Variants in ZDHHC7 observed in about 807,000 individuals in gnomAD.
The protein encoded by ZDHHC7 is zDHHC palmitoyltransferase 7.
In ZDHHC7, 12 loss-of-function variants were observed where a neutral mutation model predicts 34.1. That is an observed-to-expected ratio of 0.35 (90% CI 0.23 to 0.57). The LOEUF is 0.57. Ranked by LOEUF, ZDHHC7 falls within the 20% of genes least tolerant of loss-of-function variation. The pLI is 0.84. For missense variants in ZDHHC7, 388 were observed against 402.7 expected (o/e 0.96, Z 0.31); for synonymous variants, 185 against 155.4 (o/e 1.19, Z -1.42).
chr16:84,976,049 T>C lies in ZDHHC7; in HGVS notation c.*294A>G. On this transcript the variant is annotated 3_prime_UTR_variant, in exon 8 of 8. Transcript: ENST00000313732. ...AGCAGCTCAGGACCCAGGATTTGAA[T>C]AACCCATGTAATAACCCGAAGTATT... The C allele has an allele frequency of 5.3e-6, 2 of 377,646 alleles. No homozygotes were observed. The highest frequency in any genetic ancestry group is 6.4e-5 in the South Asian group (2 of 31,266). 23.4% of individuals were successfully genotyped at this position (377,646 alleles called of 1,614,324 possible). A position where few individuals can be genotyped will look rare whatever the true frequency, so the allele number is the denominator to read the frequency against.
chr16:85,018,262 T>G, the ZDHHC7 span, among the ~76,000 whole-genome samples: 1 of 152,000 alleles, frequency 6.6e-6, no homozygotes, highest in East Asian at 1.9e-4. Context: ...AAAGAGTACA[T>G]GCAATATAAT....
At chr16:85,015,741 G>A (rs1268673076), upstream of ZDHHC7, among the ~76,000 whole-genome samples, 1 of 151,968 alleles carries the variant, frequency 6.6e-6, no homozygotes, top group Non-Finnish European at 1.5e-5. Flanking sequence ...GCTCCTCAAG[G>A]GGGTTGAAGT....
At chr16:84,989,874 C>G (rs2072485507) in intron 3 of ZDHHC7, among the ~76,000 whole-genome samples, 1 of 152,178 alleles carries the variant, frequency 6.6e-6, no homozygotes, top group Non-Finnish European at 1.5e-5. Context: ...TGAAAATCTA[C>G]TGACTGCTAA....
intron 3 of ZDHHC7, among the ~76,000 whole-genome samples, chr16:84,986,843 G>A (rs576653535): frequency 6.6e-6 from 1 of 152,196 alleles, no homozygotes; most frequent in Non-Finnish European, 1.5e-5. Flanking sequence ...CAGTTCAGAG[G>A]TGATGTGATG....
intron 1 of ZDHHC7, among the ~76,000 whole-genome samples, chr16:85,009,709 CTTTTT>C (rs543110602): frequency 7.9e-6 from 1 of 126,624 alleles, no homozygotes; most frequent in Non-Finnish European, 1.7e-5. Flanking sequence ...GACTTTTTTT[CTTTTT>C]TTTTTTTTTT....
rs368189363 is a variant in ZDHHC7 at position 85,004,755 on chromosome 16, A to G, written c.-104+6531T>C. 2.0e-5 allele frequency among the ~76,000 whole-genome samples: 3 copies of G among 152,316 alleles called. No homozygotes were observed. The South Asian group carries it at 6.2e-4, about 32-fold the overall frequency. The stretch of plus-strand genomic sequence containing the variant: ...GGAGGGTGCTTGAGGGAGACAAGAA[A>G]AAGTAGAAAGGAAGTCCACAGGCAA... On this transcript the variant is annotated intron_variant, in intron 1 of 7. Coordinates refer to ENST00000313732, the MANE Select transcript of ZDHHC7 (RefSeq NM_017740.3).
intron 3 of ZDHHC7, 59 bp downstream of exon 3, chr16:84,990,245 C>A: frequency 6.4e-7 from 1 of 1,569,730 alleles, no homozygotes; most frequent in Non-Finnish European, 8.7e-7. Flanking sequence ...GGGTCAGCCA[C>A]ACCCGAGGAC....
chr16:85,000,722 T>A (rs1308927106), intron 1 of ZDHHC7, among the ~76,000 whole-genome samples: 1 of 152,140 alleles, frequency 6.6e-6, no homozygotes, highest in African/African-American at 2.4e-5. Context: ...AATTCAAACA[T>A]CAGGCTGGGG....
the ZDHHC7 span, among the ~76,000 whole-genome samples, chr16:85,024,482 T>C: frequency 6.6e-6 from 1 of 152,098 alleles, no homozygotes; most frequent in Admixed American, 6.5e-5. Context: ...CCGCCCACCT[T>C]GCCCTCCCAA....
At chr16:84,993,620 C>T (rs188355853) in intron 2 of ZDHHC7, among the ~76,000 whole-genome samples, 1 of 151,936 alleles carries the variant, frequency 6.6e-6, no homozygotes, top group African/African-American at 2.4e-5. Flanking sequence ...CCAGCCTGGG[C>T]AACAGAGTAA....
At chr16:85,002,399 G>A (rs1302006037) in intron 1 of ZDHHC7, among the ~76,000 whole-genome samples, 1 of 152,170 alleles carries the variant, frequency 6.6e-6, no homozygotes, top group African/African-American at 2.4e-5. Context: ...GAGTCCTGTG[G>A]ACAGAACACA....
At chr16:85,010,653 G>A (rs1172290607) in intron 1 of ZDHHC7, among the ~76,000 whole-genome samples, 1 of 151,600 alleles carries the variant, frequency 6.6e-6, no homozygotes, top group Non-Finnish European at 1.5e-5. Context: ...ACAATAAACT[G>A]GTTCTTCATA....
In ZDHHC7 at chr16:84,990,560, T is replaced by C. The variant is rs761753582; in HGVS notation, c.59A>G (p.Asn20Ser). Residue 20 changes from asparagine (N) to serine (S), a missense_variant, in exon 3 of 8, where the codon AAT becomes AGT. Transcript: ENST00000313732. ...DVEHHPLLAE[N>S]DNYDSSSSSS... is the part of the protein sequence containing the mutation. ...GGACGATGAAGAGTCATAGTTGTCA[T>C]TTTCAGCCAGGAGAGGATGATGCTC... 3.7e-6 allele frequency: 6 copies of C among 1,614,132 alleles called. No homozygotes were observed. The South Asian group carries it at 6.6e-5, about 18-fold the overall frequency.
intron 2 of ZDHHC7, among the ~76,000 whole-genome samples, chr16:84,991,863 T>C (rs1238660381): frequency 1.3e-5 from 2 of 151,994 alleles, no homozygotes; most frequent in African/African-American, 4.8e-5. Flanking sequence ...CTATTTCCAA[T>C]AGCATCTGAT....
intron 1 of ZDHHC7, among the ~76,000 whole-genome samples, chr16:84,998,138 C>A (rs1238783626): frequency 2.0e-5 from 3 of 151,122 alleles, no homozygotes; most frequent in Non-Finnish European, 4.4e-5. Context: ...GTGGCGGGCG[C>A]CTGCAGTCCC....
intron 3 of ZDHHC7, chr16:84,989,001 G>C (rs1447173348): frequency 2.2e-6 from 2 of 919,914 alleles, no homozygotes; most frequent in Admixed American, 2.1e-5. Context: ...CAAGGAAGGA[G>C]AGGGCGGAGA....
the ZDHHC7 span, among the ~76,000 whole-genome samples, chr16:85,021,729 GAAAA>G: frequency 6.7e-6 from 1 of 149,390 alleles, no homozygotes; most frequent in African/African-American, 2.5e-5. Flanking sequence ...AAGAAAGAAA[GAAAA>G]AGAGAGAAAG....
At chr16:84,994,663 G>A (rs1262172488) in intron 2 of ZDHHC7, among the ~76,000 whole-genome samples, 1 of 152,176 alleles carries the variant, frequency 6.6e-6, no homozygotes, top group Non-Finnish European at 1.5e-5. Context: ...CGGATGGCAG[G>A]CACAGCTGTG....
the ZDHHC7 span, among the ~76,000 whole-genome samples, chr16:85,023,856 G>C: frequency 6.6e-6 from 1 of 151,026 alleles, no homozygotes; most frequent in Non-Finnish European, 1.5e-5. Context: ...CTGAGCTCAG[G>C]TGATCTGCCT....
Sources: allele counts gnomAD v4.1 joint callset (sites outside exome capture counted in the v4.1 genomes callset), GRCh38; gene constraint gnomAD v4.1.1; transcripts MANE v1.5; gene names NCBI Gene and HGNC (gene_info 2026-07-23, HGNC 2026-07-21).